Variants in ALK observed in about 807,000 individuals in gnomAD.
ALK encodes ALK receptor tyrosine kinase.
In ALK, 74 loss-of-function variants were observed where a neutral mutation model predicts 163.1. The ratio of observed to expected loss-of-function variants is 0.45; its 90% CI spans 0.38 to 0.55. ALK has a LOEUF of 0.55. Among genes scored for constraint, ALK ranks in the 20% least tolerant of loss-of-function variants. The pLI is 0.00. For missense variants in ALK, 2,063 were observed against 2,105.3 expected, an observed-to-expected ratio of 0.98 and a Z score of 0.39; for synonymous variants, 960 against 843.2, an observed-to-expected ratio of 1.14 and a Z score of -2.40.
At chr2:29,388,800 T>C (rs549974730) in intron 4 of ALK, among the ~76,000 whole-genome samples, 1 of 152,312 alleles carries the variant, frequency 6.6e-6, no homozygotes, top group South Asian at 2.1e-4. Context: ...GAGAAAGGTA[T>C]TGCAATTTAT....
At chr2:29,641,210 C>A (rs1219626271) in intron 3 of ALK, among the ~76,000 whole-genome samples, 2 of 151,982 alleles carry the variant, frequency 1.3e-5, no homozygotes, top group Non-Finnish European at 2.9e-5. Context: ...TGCCAGTTCA[C>A]AGTTCTGATG....
intron 3 of ALK, among the ~76,000 whole-genome samples, chr2:29,541,169 T>C (rs1265095374): frequency 6.6e-6 from 1 of 152,206 alleles, no homozygotes; most frequent in African/African-American, 2.4e-5. Flanking sequence ...ACTAAAAGAC[T>C]GATTTAAAGA....
At chr2:29,208,573 A>G (rs1158785835) in intron 25 of ALK, among the ~76,000 whole-genome samples, 3 of 152,206 alleles carry the variant, frequency 2.0e-5, no homozygotes, top group African/African-American at 7.2e-5. Context: ...GACACTCCAG[A>G]GACGTCTTTA....
chr2:29,533,994 G>A (rs1056040295), intron 3 of ALK, among the ~76,000 whole-genome samples: 3 of 152,164 alleles, frequency 2.0e-5, no homozygotes, highest in African/African-American at 7.2e-5. Context: ...TTGAAGGGAA[G>A]AGGAGTCAGG....
rs1318862894 is a variant in ALK, at chr2:29,775,138, C to A, written c.668-57441G>T. Reference sequence around the variant, plus strand: ...TTGAAAGTGTCAATAAGCACAAGGTCCCCTTTGACTGACTAAAAGATAAAC... The same window carrying A: ...TTGAAAGTGTCAATAAGCACAAGGTACCCTTTGACTGACTAAAAGATAAAC... On this transcript the variant is annotated intron_variant, in intron 1 of 28. Transcript: ENST00000389048. Among the ~76,000 whole-genome samples the A allele has an allele frequency of 4.6e-5, 7 of 152,070 alleles. No individual in the cohort carries two copies. The East Asian group carries it at 1.3e-3, about 29-fold the overall frequency.
intron 2 of ALK, among the ~76,000 whole-genome samples, chr2:29,707,030 T>TGTGTGTGTG (rs70962235): frequency 4.1e-4 from 52 of 128,036 alleles, no homozygotes; most frequent in East Asian, 6.9e-4. Context: ...TGTGTGTGTG[T>TGTGTGTGTG]TGGGTAAGGA....
chr2:29,898,213 G>A (rs563620727), intron 1 of ALK, among the ~76,000 whole-genome samples: 25 of 152,286 alleles, frequency 1.6e-4, no homozygotes, highest in South Asian at 4.1e-4. Flanking sequence ...TGATTTTTTC[G>A]GTGAACCCAT....
chr2:29,323,729 G>T (rs547724134), intron 6 of ALK, among the ~76,000 whole-genome samples: 2 of 152,246 alleles, frequency 1.3e-5, no homozygotes, highest in South Asian at 4.1e-4. Context: ...GCTGCAACTG[G>T]GAAATCACCA....
chr2:29,710,275 C>A (rs903055581), intron 2 of ALK, among the ~76,000 whole-genome samples: 29 of 152,114 alleles, frequency 1.9e-4, no homozygotes, highest in Non-Finnish European at 3.4e-4. Flanking sequence ...GTCAATTGAA[C>A]CTCTTTCCTT....
intron 1 of ALK, among the ~76,000 whole-genome samples, chr2:29,814,391 TG>T (rs1244198432): frequency 6.6e-6 from 1 of 151,596 alleles, no homozygotes; most frequent in East Asian, 2.0e-4. Context: ...CCGGGCACGG[TG>T]GCTCACACCT....
intron 1 of ALK, among the ~76,000 whole-genome samples, chr2:29,800,535 A>G (rs1664440478): frequency 6.6e-6 from 1 of 152,146 alleles, no homozygotes; most frequent in Non-Finnish European, 1.5e-5. Flanking sequence ...AGGGACAGAG[A>G]ACTCCTTACA....
chr2:29,565,261 T>C (rs1416546594), intron 3 of ALK, among the ~76,000 whole-genome samples: 2 of 152,130 alleles, frequency 1.3e-5, no homozygotes, highest in African/African-American at 2.4e-5. Flanking sequence ...GCAAAGAAGA[T>C]CTAAGAGCAA....
chr2:29,863,954 C>A (rs1020976916), intron 1 of ALK, among the ~76,000 whole-genome samples: 5 of 152,198 alleles, frequency 3.3e-5, no homozygotes, highest in Non-Finnish European at 5.9e-5. Context: ...CTCCCAACAG[C>A]CTGTCGTGCA....
chr2:29,363,479 C>A (rs544364917), intron 5 of ALK, among the ~76,000 whole-genome samples: 1 of 152,322 alleles, frequency 6.6e-6, no homozygotes, highest in East Asian at 1.9e-4. Context: ...ATCTCTCACA[C>A]CCTCATGAGA....
intron 13 of ALK, among the ~76,000 whole-genome samples, chr2:29,238,837 G>A (rs956378240): frequency 6.6e-6 from 1 of 152,168 alleles, no homozygotes; most frequent in East Asian, 1.9e-4. Flanking sequence ...CAGCAACCCC[G>A]AGGAACAACT....
At chr2:29,422,957 A>G (rs1158054072) in intron 4 of ALK, among the ~76,000 whole-genome samples, 1 of 151,570 alleles carries the variant, frequency 6.6e-6, no homozygotes, top group East Asian at 1.9e-4. Context: ...GTTCAGCCTA[A>G]GAGATCTTAC....
At chr2:29,275,078 A>G in intron 11 of ALK, 21 bp downstream of exon 11, 3 of 1,613,858 alleles carry the variant, frequency 1.9e-6, no homozygotes, top group South Asian at 2.2e-5. Context: ...CTGTGCTCAC[A>G]TTTGTGAGCT....
chr2:29,755,650 A>G (rs1200238982), intron 1 of ALK, among the ~76,000 whole-genome samples: 1 of 152,124 alleles, frequency 6.6e-6, no homozygotes, highest in Non-Finnish European at 1.5e-5. Context: ...AGCACATTAT[A>G]TCCCTTCTAA....
intron 4 of ALK, among the ~76,000 whole-genome samples, chr2:29,485,784 G>T (rs1191611305): frequency 6.6e-6 from 1 of 152,074 alleles, no homozygotes; most frequent in East Asian, 1.9e-4. Context: ...TCAATCTCTG[G>T]GCAGTCTGGT....
Sources: gnomAD v4.1 joint callset for allele counts (sites outside exome capture counted in the v4.1 genomes callset) on GRCh38, gnomAD v4.1.1 for gene constraint, MANE v1.5 for transcripts, NCBI Gene and HGNC (gene_info 2026-07-23, HGNC 2026-07-21) for gene names.